ADGRB3: variants seen among roughly 807,000 people sequenced by gnomAD.
The protein encoded by ADGRB3 is adhesion G protein-coupled receptor B3.
Under a neutral mutation model 193.4 loss-of-function variants are expected in ADGRB3, and 37 were observed. The ratio of observed to expected loss-of-function variants is 0.19; its 90% CI spans 0.15 to 0.25. ADGRB3 has a LOEUF of 0.25. Among genes scored for constraint, ADGRB3 ranks in the 10% least tolerant of loss-of-function variants. The probability of loss-of-function intolerance (pLI) is 1.00; values close to 1 mark genes in which losing one functional copy is unlikely to be tolerated. For synonymous variants in ADGRB3, 690 were observed against 644.2 expected (o/e 1.07, Z -1.08); for missense variants, 1,637 against 1,852.9 (o/e 0.88, Z 2.14).
intron 3 of ADGRB3, among the ~76,000 whole-genome samples, chr6:68,907,599 C>T (rs952765173): frequency 2.0e-5 from 3 of 151,822 alleles, no homozygotes; most frequent in Non-Finnish European, 4.4e-5. Flanking sequence ...TGATACATTT[C>T]AGACTTTACC....
chr6:69,101,824 C>CT (rs1318297978), intron 17 of ADGRB3, among the ~76,000 whole-genome samples: 1 of 151,922 alleles, frequency 6.6e-6, no homozygotes, highest in African/African-American at 2.4e-5. Context: ...TACCACTAAG[C>CT]TGGTAAGGGT....
intron 11 of ADGRB3, among the ~76,000 whole-genome samples, chr6:69,009,992 A>AT (rs1422495870): frequency 2.6e-5 from 4 of 152,228 alleles, no homozygotes; most frequent in Middle Eastern, 3.4e-3. Flanking sequence ...TAAAAACAGA[A>AT]TTTTTTATTG....
At chr6:69,153,235 A>G (rs1307540682) in intron 17 of ADGRB3, among the ~76,000 whole-genome samples, 1 of 152,198 alleles carries the variant, frequency 6.6e-6, no homozygotes. Context: ...AGAAAAAAAG[A>G]GAACTATAAA....
chr6:68,768,814 G>C (rs1156853897), intron 3 of ADGRB3, among the ~76,000 whole-genome samples: 1 of 150,882 alleles, frequency 6.6e-6, no homozygotes. Context: ...CTAATGTCCA[G>C]AATCTACAAG....
At chr6:68,917,141 A>G (rs540742000) in intron 3 of ADGRB3, among the ~76,000 whole-genome samples, 1 of 152,306 alleles carries the variant, frequency 6.6e-6, no homozygotes, top group Admixed American at 6.5e-5. Flanking sequence ...AGCTTTGGAT[A>G]GGGATATGAT....
intron 20 of ADGRB3, among the ~76,000 whole-genome samples, chr6:69,276,157 T>C (rs1313854432): frequency 1.3e-5 from 2 of 152,240 alleles, no homozygotes; most frequent in African/African-American, 4.8e-5. Flanking sequence ...AAGAGGATTC[T>C]CCTGGAATTC....
At chr6:69,220,991 G>A (rs1216402071) in intron 17 of ADGRB3, among the ~76,000 whole-genome samples, 1 of 151,890 alleles carries the variant, frequency 6.6e-6, no homozygotes, top group Admixed American at 6.6e-5. Context: ...GGTTGTCGGT[G>A]GACAAGCTGT....
chr6:68,656,939 A>G (rs1768503899), intron 3 of ADGRB3, among the ~76,000 whole-genome samples: 1 of 151,590 alleles, frequency 6.6e-6, no homozygotes, highest in Non-Finnish European at 1.5e-5. Flanking sequence ...ATGCACAAAT[A>G]ATGCAGAAGT....
chr6:69,239,296 C>A, intron 20 of ADGRB3, 70 bp downstream of exon 20: 4 of 1,048,644 alleles, frequency 3.8e-6, no homozygotes, highest in South Asian at 1.6e-5. Context: ...TATTGATAAT[C>A]TAAACATTCA....
chr6:68,716,841 C>G (rs895163686), intron 3 of ADGRB3, among the ~76,000 whole-genome samples: 3 of 151,630 alleles, frequency 2.0e-5, no homozygotes, highest in African/African-American at 7.3e-5. Flanking sequence ...GTTTTATCCT[C>G]CTGTTCCCTA....
chr6:69,030,620 G>A (rs896854047), intron 13 of ADGRB3, among the ~76,000 whole-genome samples: 3 of 152,154 alleles, frequency 2.0e-5, no homozygotes, highest in African/African-American at 4.8e-5. Flanking sequence ...TGTCAGGGGA[G>A]TGGGGGGCTA....
rs751346476 is a variant in ADGRB3, at chr6:69,354,283, T to G, written c.3510T>G (p.Asn1170Lys). 4 of 1,614,054 alleles carry G rather than the reference T, an allele frequency of 2.5e-6. No individual in the cohort carries two copies. Among genetic ancestry groups the G allele is most frequent in the Non-Finnish European group, 3.4e-6 (4 of 1,179,960 alleles). ...TGAGAAACTGTCAGGATCCCATCAA[T>G]GCAGATTCTTCGAGTTCGTTTCCTA... is the stretch of plus-strand genomic sequence containing the variant. ...CRLRNCQDPI[N>K]ADSSSSFPNG... is the part of the protein sequence containing the mutation. Residue 1170 changes from asparagine (N) to lysine (K), a missense_variant, in exon 27 of 32, where the codon AAT (asparagine) becomes AAG (lysine). Asn to Lys is a moderately conservative substitution (Grantham distance 94, BLOSUM62 0). Around this residue, in one of 7 missense-constraint regions of ADGRB3, gnomAD observed 116 missense variants for 168.1 expected, o/e 0.69. Coordinates refer to ENST00000370598, the MANE Select transcript of ADGRB3 (RefSeq NM_001704.3).
intron 6 of ADGRB3, among the ~76,000 whole-genome samples, chr6:68,948,355 C>T (rs978400581): frequency 3.3e-5 from 5 of 152,034 alleles, no homozygotes; most frequent in Non-Finnish European, 4.4e-5. Context: ...TCCCCCTCTA[C>T]GGTGATTTGA....
At chr6:68,796,886 G>A (rs1039292217) in intron 3 of ADGRB3, among the ~76,000 whole-genome samples, 1 of 152,126 alleles carries the variant, frequency 6.6e-6, no homozygotes, top group Non-Finnish European at 1.5e-5. Context: ...TCTCTGTGTT[G>A]TATATCCTAC....
At chr6:68,885,126 C>G (rs2150226496) in intron 3 of ADGRB3, among the ~76,000 whole-genome samples, 1 of 152,186 alleles carries the variant, frequency 6.6e-6, no homozygotes, top group African/African-American at 2.4e-5. Flanking sequence ...GGTCAGAGGT[C>G]CCCAGTGGTC....
chr6:68,838,439 A>G (rs1768087029), intron 3 of ADGRB3, among the ~76,000 whole-genome samples: 1 of 152,150 alleles, frequency 6.6e-6, no homozygotes, highest in South Asian at 2.1e-4. Flanking sequence ...ACAAAAAACA[A>G]ACTTCTATTC....
intron 20 of ADGRB3, among the ~76,000 whole-genome samples, chr6:69,287,149 C>A (rs1767569710): frequency 6.6e-6 from 1 of 152,184 alleles, no homozygotes; most frequent in Admixed American, 6.5e-5. Flanking sequence ...TGAGTCTGTG[C>A]ATGCATGTGG....
intron 17 of ADGRB3, among the ~76,000 whole-genome samples, chr6:69,088,004 TA>T (rs1191827257): frequency 6.6e-6 from 1 of 152,220 alleles, no homozygotes; most frequent in Non-Finnish European, 1.5e-5. Context: ...CTATTTTCTA[TA>T]GTTTCAGGCA....
chr6:69,330,679 T>C (rs760656816), intron 23 of ADGRB3, 107 bp downstream of exon 23: 5 of 863,480 alleles, frequency 5.8e-6, no homozygotes, highest in Non-Finnish European at 8.6e-6. Context: ...TGTAGAAATT[T>C]TAAAGTTCAA....
Sources: allele counts gnomAD v4.1 joint callset (sites outside exome capture counted in the v4.1 genomes callset), GRCh38; gene constraint gnomAD v4.1.1; regional missense constraint gnomAD v4.1.1; transcripts MANE v1.5; gene names NCBI Gene and HGNC (gene_info 2026-07-23, HGNC 2026-07-21).